Variants in DRC1 observed in about 807,000 individuals in gnomAD.
DRC1 encodes the protein dynein regulatory complex subunit 1, also known as dynein regulatory complex protein 1.
Under a neutral mutation model 98.7 loss-of-function variants are expected in DRC1, and 74 were observed. The ratio of observed to expected loss-of-function variants is 0.75; its 90% confidence interval spans 0.62 to 0.91. The LOEUF is 0.91. Among genes scored for constraint, DRC1 ranks in the 40% least tolerant of loss-of-function variants. The pLI is 0.00. For missense variants in DRC1, 875 were observed against 886.0 expected, an observed-to-expected ratio of 0.99 and a Z score of 0.16; for synonymous variants, 336 against 334.1, an observed-to-expected ratio of 1.01 and a Z score of -0.06.
At position 26,454,590 on chromosome 2, in the gene DRC1, C is replaced by T. The variant is rs935319485; in HGVS notation, c.1920-57C>T. 3.8e-6 allele frequency: 6 copies of T among 1,598,470 alleles called. No homozygotes were observed. Among genetic ancestry groups the T allele is most frequent in the Non-Finnish European group, 5.1e-6 (6 of 1,170,752 alleles). On this transcript the variant is annotated intron_variant, in intron 14 of 16. Coordinates refer to ENST00000288710, the MANE Select transcript of DRC1 (RefSeq NM_145038.5). The surrounding 1 kb of genome is among the most constrained non-coding windows in gnomAD (Gnocchi z 5.2). ...GCAGTAGGCCTGTGACTGGCACTGCCTGGGGGCCTGGGTAGTACCCAATGG... is the reference window on the plus strand; with the variant it reads ...GCAGTAGGCCTGTGACTGGCACTGCTTGGGGGCCTGGGTAGTACCCAATGG...
chr2:26,418,717 T>TATATAAATTATATTTAATTTATATATA lies in DRC1; in HGVS notation c.244-2555_244-2529dup, dbSNP rs1335292658. Among the ~76,000 whole-genome samples, 103 of 99,058 alleles carry TATATAAATTATATTTAATTTATATATA rather than the reference T, an allele frequency of 1.0e-3. 1 individual carries two copies. Among genetic ancestry groups the TATATAAATTATATTTAATTTATATATA allele is most frequent in the South Asian group, 1.7e-3 (6 of 3,634 alleles). 65.0% of individuals were successfully genotyped at this position (99,058 alleles called of 152,430 possible). ...TATAAATTATATTTAATTTATATAA[T>TATATAAATTATATTTAATTTATATATA]ATATAAATTATATTTAATTTATATA... On this transcript the variant is annotated intron_variant, in intron 2 of 16. Coordinates refer to ENST00000288710, the MANE Select transcript of DRC1 (RefSeq NM_145038.5).
chr2:26,450,107 G>A (rs1663964165), intron 12 of DRC1, 22 bp downstream of exon 12: 11 of 1,603,548 alleles, frequency 6.9e-6, no homozygotes, highest in African/African-American at 1.3e-5. Flanking sequence ...GGGGCTGGGA[G>A]GACACGGGTG....
At position 26,430,726 on chromosome 2, in the gene DRC1, C is replaced by T. The variant is rs928482534; in HGVS notation, c.679-60C>T. ...TTATAGTTACCTGAAAGTTCTTTGA[C>T]ACTGGTGGGACCTGCCCAATCAAAA... On this transcript the variant is annotated intron_variant, in intron 5 of 16. Transcript: ENST00000288710. The T allele has an allele frequency of 1.1e-5, 17 of 1,561,174 alleles. No homozygotes were observed. In the African/African-American group the frequency reaches 1.9e-4, roughly 17 times the overall value.
At chr2:26,409,695 A>G (rs559150435) in intron 1 of DRC1, among the ~76,000 whole-genome samples, 1 of 152,376 alleles carries the variant, frequency 6.6e-6, no homozygotes, top group African/African-American at 2.4e-5. Context: ...CTAAAATTAC[A>G]TGATATAAGT....
chr2:26,424,358 A>T lies in DRC1; in HGVS notation c.444A>T (p.Arg148Ser). 1.2e-6 allele frequency: 2 copies of T among 1,613,802 alleles called. No individual in the cohort carries two copies. Among genetic ancestry groups the T allele is most frequent in the South Asian group, 2.2e-5 (2 of 91,060 alleles). Residue 148 changes from arginine (R) to serine (S), a missense_variant, in exon 4 of 17, where the codon AGA becomes AGT. Transcript: ENST00000288710. ...TSKWEEGKQK[R>S]IPQELWEMLN... ...AGTGGGAAGAGGGCAAGCAGAAGAGAATTCCCCAAGAGCTGTGGGAAATGC... is the reference window on the plus strand; with the variant it reads ...AGTGGGAAGAGGGCAAGCAGAAGAGTATTCCCCAAGAGCTGTGGGAAATGC...
chr2:26,450,899 C>A (rs1663989659), intron 13 of DRC1, among the ~76,000 whole-genome samples: 1 of 150,740 alleles, frequency 6.6e-6, no homozygotes, highest in Non-Finnish European at 1.5e-5. Context: ...CCCCGACAGG[C>A]CCCGGTGTGT....
At position 26,430,831 on chromosome 2, in the gene DRC1, A is replaced by C. The variant is rs747289433; in HGVS notation, c.724A>C (p.Lys242Gln). 1.9e-6 allele frequency: 3 copies of C among 1,614,120 alleles called. No individual in the cohort carries two copies. Among genetic ancestry groups the C allele is most frequent in the South Asian group, 2.2e-5 (2 of 91,086 alleles). Residue 242 changes from lysine (K) to glutamine (Q), a missense_variant, in exon 6 of 17, where the codon AAG becomes CAG. Coordinates refer to ENST00000288710, the MANE Select transcript of DRC1 (RefSeq NM_145038.5). ...ERQELLASNK[K>Q]KWEQALQAHN... Reference sequence around the variant, plus strand: ...CCAAGAGCTACTGGCCAGTAATAAGAAGAAATGGGAGCAAGCCCTTCAGGC... The same window carrying C: ...CCAAGAGCTACTGGCCAGTAATAAGCAGAAATGGGAGCAAGCCCTTCAGGC...
chr2:26,417,784 T>C (rs1678859224), intron 2 of DRC1, among the ~76,000 whole-genome samples: 1 of 152,236 alleles, frequency 6.6e-6, no homozygotes, highest in South Asian at 2.1e-4. Flanking sequence ...TTGTTCAGGT[T>C]ATAATGGTTC....
At position 26,456,469 on chromosome 2, in the gene DRC1, T is replaced by C; in HGVS notation, c.2175T>C (p.Ser725=). The change falls in exon 17 of 17, where the codon TCT becomes TCC. Residue 725 remains serine, a synonymous_variant. Coordinates refer to ENST00000288710, the MANE Select transcript of DRC1 (RefSeq NM_145038.5). ...CACCCTTTCTTTTCCAGATCAACTC[T>C]GAACTGCAAGTTCCTCCCACTCAGG... ...LQQYLNSKIN[S]ELQVPPTQVL... 2 of 1,614,196 alleles carry C rather than the reference T, an allele frequency of 1.2e-6. No individual in the cohort carries two copies. Among genetic ancestry groups the C allele is most frequent in the Non-Finnish European group, 1.7e-6 (2 of 1,180,020 alleles).
intron 7 of DRC1, among the ~76,000 whole-genome samples, chr2:26,437,860 G>A (rs1051924382): frequency 8.6e-5 from 13 of 151,742 alleles, no homozygotes; most frequent in Non-Finnish European, 1.8e-4. Context: ...AAGTCAAGGC[G>A]GGCAGATCAC....
rs1488184581 is a variant in DRC1, at chr2:26,417,191, A to G, written c.243+2760A>G. On this transcript the variant is annotated intron_variant, in intron 2 of 16. Coordinates refer to ENST00000288710, the MANE Select transcript of DRC1 (RefSeq NM_145038.5). The stretch of plus-strand genomic sequence containing the variant: ...TGGGCAGGGACAAAAGATCGAAACT[A>G]TATCCAAACTATATCACCAGCTCTG... Among the ~76,000 whole-genome samples the G allele has an allele frequency of 4.6e-5, 7 of 152,148 alleles. No individual in the cohort carries two copies. The South Asian group carries it at 1.0e-3, about 23-fold the overall frequency.
rs760476460 is a variant in DRC1, at chr2:26,453,483, G to A, written c.1853G>A (p.Trp618Ter). The A allele has an allele frequency of 3.1e-6, 5 of 1,614,030 alleles. No homozygotes were observed. In the African/African-American group the frequency reaches 6.7e-5, roughly 22 times the overall value. The change falls in exon 14 of 17, where the codon TGG (tryptophan) becomes TAG (stop). Residue 618 changes from tryptophan (W) to a stop codon, truncating the protein, a stop_gained. Coordinates refer to ENST00000288710, the MANE Select transcript of DRC1 (RefSeq NM_145038.5). LOFTEE classifies it high-confidence loss of function. ...EEEEETPPSPWVIHPNDVLKI... is the reference protein window; with the variant it reads ...EEEEETPPSP ...GAGGAGGAGACCCCACCCTCCCCCTGGGTCATCCACCCCAATGATGTCCTC... is the reference window on the plus strand; with the variant it reads ...GAGGAGGAGACCCCACCCTCCCCCTAGGTCATCCACCCCAATGATGTCCTC...
At chr2:26,446,281 A>G (rs1663850850) in intron 10 of DRC1, among the ~76,000 whole-genome samples, 1 of 151,722 alleles carries the variant, frequency 6.6e-6, no homozygotes, top group Admixed American at 6.6e-5. Flanking sequence ...ATTTTTTTGT[A>G]GAGACATGGA....
At chr2:26,422,047 C>T (rs946151510) in intron 3 of DRC1, among the ~76,000 whole-genome samples, 2 of 152,160 alleles carry the variant, frequency 1.3e-5, no homozygotes, top group African/African-American at 4.8e-5. Context: ...GTAACACACA[C>T]AAGGAGGCCT....
At chr2:26,410,833 A>G (rs1678584999) in intron 1 of DRC1, among the ~76,000 whole-genome samples, 1 of 151,994 alleles carries the variant, frequency 6.6e-6, no homozygotes, top group African/African-American at 2.4e-5. Flanking sequence ...AACACAACAA[A>G]ACAAAACAAA....
At chr2:26,410,431 C>A (rs1283557619) in intron 1 of DRC1, among the ~76,000 whole-genome samples, 2 of 151,756 alleles carry the variant, frequency 1.3e-5, no homozygotes, top group Non-Finnish European at 2.9e-5. Context: ...GCCACTATGC[C>A]CGGCTAATTT....
chr2:26,448,545 C>T, intron 10 of DRC1, 146 bp from the exon 11 acceptor site: 1 of 855,936 alleles, frequency 1.2e-6, no homozygotes. Context: ...CTTTTTTCAT[C>T]ATAAAGAGAC....
At chr2:26,432,558 GAAGA>G (rs1303615068) in intron 7 of DRC1, among the ~76,000 whole-genome samples, 2 of 143,194 alleles carry the variant, frequency 1.4e-5, no homozygotes, top group Non-Finnish European at 3.1e-5. Flanking sequence ...AGAAAGAAAG[GAAGA>G]AAGGAAGGAA....
At position 26,440,439 on chromosome 2, in the gene DRC1, A is replaced by G. The variant is rs750904470; in HGVS notation, c.950A>G (p.Glu317Gly). 1 of 1,613,596 alleles carries G rather than the reference A, an allele frequency of 6.2e-7. No homozygotes were observed. The highest frequency in any genetic ancestry group is 1.1e-5 in the South Asian group (1 of 91,012). Reference protein sequence around the residue: ...AIYQLNQEKLEYNLQVLKKRD... With the variant: ...AIYQLNQEKLGYNLQVLKKRD... ...TATCAGCTAAACCAAGAGAAATTAG[A>G]GTACAACTTGCAGGTGCTGAAGAAG... The change falls in exon 8 of 17, where the codon GAG becomes GGG. Residue 317 changes from glutamate (E) to glycine (G), a missense_variant. Glu to Gly is a moderately conservative substitution (Grantham distance 98, BLOSUM62 -2). Transcript: ENST00000288710.
Sources: allele counts gnomAD v4.1 joint callset (sites outside exome capture counted in the v4.1 genomes callset), GRCh38; gene constraint gnomAD v4.1.1; non-coding constraint Gnocchi (gnomAD v3.1); transcripts MANE v1.5; gene names NCBI Gene and HGNC (gene_info 2026-07-23, HGNC 2026-07-21).